The following SLC24A3 variants were observed in gnomAD, a reference collection of about 807,000 sequenced individuals.
SLC24A3 encodes solute carrier family 24 member 3.
SLC24A3 carries 28 observed loss-of-function variants against 75.8 expected under a neutral mutation model. The ratio of observed to expected loss-of-function variants is 0.37; its 90% CI spans 0.27 to 0.51. The LOEUF (loss-of-function observed/expected upper bound fraction) is 0.51, where lower values mean the gene tolerates loss of function less well. Ranked by LOEUF, SLC24A3 falls within the 20% of genes least tolerant of loss-of-function variation. The probability of loss-of-function intolerance (pLI) is 0.94; values close to 1 mark genes in which losing one functional copy is unlikely to be tolerated. For synonymous variants in SLC24A3, 372 were observed against 334.1 expected (o/e 1.11, Z -1.24); for missense variants, 663 against 847.8 (o/e 0.78, Z 2.71).
At chr20:19,714,369 C>T (rs2033020381) in intron 15 of SLC24A3, among the ~76,000 whole-genome samples, 1 of 144,982 alleles carries the variant, frequency 6.9e-6, no homozygotes, top group African/African-American at 2.6e-5. Context: ...TTCACCTCTG[C>T]ACTCCAGCCT....
At chr20:19,513,690 A>G (rs2029925298) in intron 2 of SLC24A3, among the ~76,000 whole-genome samples, 1 of 151,230 alleles carries the variant, frequency 6.6e-6, no homozygotes, top group Non-Finnish European at 1.5e-5. Context: ...ATACAAAACT[A>G]GAGATTGTGA....
intron 2 of SLC24A3, among the ~76,000 whole-genome samples, chr20:19,450,269 C>T (rs1159800411): frequency 6.6e-6 from 1 of 152,204 alleles, no homozygotes; most frequent in Non-Finnish European, 1.5e-5. Flanking sequence ...AGTGGTGAAC[C>T]AGCAACTTTC....
intron 2 of SLC24A3, among the ~76,000 whole-genome samples, chr20:19,505,119 G>T (rs1236657925): frequency 6.6e-6 from 1 of 152,190 alleles, no homozygotes; most frequent in East Asian, 1.9e-4. Flanking sequence ...AAGAATGTCT[G>T]TTCTCTTCCA....
At chr20:19,525,466 G>A (rs2030181790) in intron 3 of SLC24A3, among the ~76,000 whole-genome samples, 1 of 152,142 alleles carries the variant, frequency 6.6e-6, no homozygotes, top group Non-Finnish European at 1.5e-5. Flanking sequence ...AGTGACGGCT[G>A]GGGAGAAGGA....
intron 6 of SLC24A3, among the ~76,000 whole-genome samples, chr20:19,652,490 A>G (rs2032217830): frequency 6.6e-6 from 1 of 152,226 alleles, no homozygotes; most frequent in African/African-American, 2.4e-5. Flanking sequence ...AGAGAGAATG[A>G]AAAAAGGGTA....
chr20:19,428,450 C>T lies in SLC24A3; in HGVS notation c.272-87038C>T, dbSNP rs76945164. ...TTCAGGGCACTGTCAGCAAGGGCTGCGAAATTCTAAAATGGGAACAAGGAT... is the reference window on the plus strand; with the variant it reads ...TTCAGGGCACTGTCAGCAAGGGCTGTGAAATTCTAAAATGGGAACAAGGAT... On this transcript the variant is annotated intron_variant, in intron 2 of 16. Coordinates refer to ENST00000328041, the MANE Select transcript of SLC24A3 (RefSeq NM_020689.4). Among the ~76,000 whole-genome samples, 515 of 152,248 alleles carry T rather than the reference C, an allele frequency of 3.4e-3. 3 individuals carry two copies. The highest frequency in any genetic ancestry group is 0.012 in the African/African-American group (478 of 41,534).
chr20:19,360,573 G>C (rs933440628), intron 2 of SLC24A3, among the ~76,000 whole-genome samples: 1 of 152,132 alleles, frequency 6.6e-6, no homozygotes. Flanking sequence ...CTGAATCTAT[G>C]GATACCTCAA....
intron 3 of SLC24A3, among the ~76,000 whole-genome samples, chr20:19,573,632 T>C (rs1568660008): frequency 6.6e-6 from 1 of 152,236 alleles, no homozygotes; most frequent in Non-Finnish European, 1.5e-5. Flanking sequence ...CTCAGGGCCC[T>C]GCTGCCCTCA....
At chr20:19,717,690 G>A (rs2122177586) in intron 16 of SLC24A3, 97 bp downstream of exon 16, 3 of 1,366,368 alleles carry the variant, frequency 2.2e-6, no homozygotes, top group South Asian at 1.2e-5. Context: ...CTGGTGACTG[G>A]GTACAAGCAA....
At chr20:19,468,965 G>A (rs73903109) in intron 2 of SLC24A3, among the ~76,000 whole-genome samples, 3,671 of 152,264 alleles carry the variant, frequency 0.024, 143 homozygotes, top group African/African-American at 0.084. Context: ...GGGTTCTAGA[G>A]TGAATGGCCT....
At chr20:19,543,085 A>G (rs1423677821) in intron 3 of SLC24A3, among the ~76,000 whole-genome samples, 1 of 152,226 alleles carries the variant, frequency 6.6e-6, no homozygotes, top group African/African-American at 2.4e-5. Flanking sequence ...TATAATGATC[A>G]TGGCCTTGTC....
intron 2 of SLC24A3, among the ~76,000 whole-genome samples, chr20:19,492,795 A>G (rs1988227536): frequency 6.6e-6 from 1 of 152,184 alleles, no homozygotes; most frequent in African/African-American, 2.4e-5. Context: ...ATCATTATAT[A>G]ACTATTAACA....
chr20:19,721,814 A>G lies in SLC24A3; in HGVS notation c.*674A>G, dbSNP rs2033107356. 1 of 152,708 alleles carries G rather than the reference A, an allele frequency of 6.5e-6. No individual in the cohort carries two copies. Among genetic ancestry groups the G allele is most frequent in the African/African-American group, 2.4e-5 (1 of 41,436 alleles). 9.5% of individuals were successfully genotyped at this position (152,708 alleles called of 1,614,324 possible). Reference sequence around the variant, plus strand: ...GGATGTAGTGCTTTTTAGAGGAGCCACTGGGCAAGGCCACCAAGAACAAAT... The same window carrying G: ...GGATGTAGTGCTTTTTAGAGGAGCCGCTGGGCAAGGCCACCAAGAACAAAT... On this transcript the variant is annotated 3_prime_UTR_variant, in exon 17 of 17. Transcript: ENST00000328041.
At chr20:19,330,913 G>A (rs2122292411) in intron 2 of SLC24A3, among the ~76,000 whole-genome samples, 1 of 152,138 alleles carries the variant, frequency 6.6e-6, no homozygotes, top group East Asian at 1.9e-4. Flanking sequence ...CAGTATTCTG[G>A]CAAGGAAGGC....
rs186990851 is a variant in SLC24A3, at chr20:19,640,148, G to A, written c.613-13914G>A. Among the ~76,000 whole-genome samples the A allele has an allele frequency of 5.2e-3, 799 of 152,368 alleles. 9 individuals carry two copies. Among genetic ancestry groups the A allele is most frequent in the African/African-American group, 0.018 (742 of 41,602 alleles). On this transcript the variant is annotated intron_variant, in intron 6 of 16. Coordinates refer to ENST00000328041, the MANE Select transcript of SLC24A3 (RefSeq NM_020689.4). ...AAGTGGGAGCCCAGGCAGAGGAGGC[G>A]CGGAGAGCGAGCGAGGGCTGTGAGG...
chr20:19,611,367 G>T (rs1236537494), intron 6 of SLC24A3, among the ~76,000 whole-genome samples: 1 of 140,146 alleles, frequency 7.1e-6, no homozygotes, highest in East Asian at 2.1e-4. Context: ...GCTGTAACCC[G>T]TTGAGAGATT....
intron 12 of SLC24A3, among the ~76,000 whole-genome samples, chr20:19,691,898 T>C (rs1381784099): frequency 1.3e-5 from 2 of 152,052 alleles, no homozygotes; most frequent in East Asian, 1.9e-4. Flanking sequence ...ATTAACTGAG[T>C]CTTTCAACTC....
intron 6 of SLC24A3, among the ~76,000 whole-genome samples, chr20:19,642,946 A>G (rs1218805313): frequency 1.3e-5 from 2 of 152,226 alleles, no homozygotes; most frequent in African/African-American, 4.8e-5. Flanking sequence ...TTCCAAGCAC[A>G]CATTAAAGAA....
chr20:19,506,539 A>C (rs118010758), intron 2 of SLC24A3, among the ~76,000 whole-genome samples: 1 of 152,348 alleles, frequency 6.6e-6, no homozygotes, highest in East Asian at 1.9e-4. Context: ...ACTAACGTCT[A>C]TGTGAACTTG....
Sources: allele counts gnomAD v4.1 joint callset (sites outside exome capture counted in the v4.1 genomes callset), GRCh38; gene constraint gnomAD v4.1.1; transcripts MANE v1.5; gene names NCBI Gene and HGNC (gene_info 2026-07-23, HGNC 2026-07-21).